The following GMDS variants were observed in gnomAD, a reference collection of about 807,000 sequenced individuals.
GMDS encodes the protein GDP-mannose 4,6-dehydratase.
Under a neutral mutation model 49.9 loss-of-function variants are expected in GMDS, and 20 were observed. That is an observed-to-expected ratio of 0.40 (90% confidence interval 0.28 to 0.58). The LOEUF (loss-of-function observed/expected upper bound fraction) is 0.58, where lower values mean the gene tolerates loss of function less well. Among genes scored for constraint, GMDS ranks in the 20% least tolerant of loss-of-function variants. The pLI, the probability that GMDS is intolerant of heterozygous loss-of-function variation, is 0.42. For missense variants in GMDS, 362 were observed against 481.4 expected, an observed-to-expected ratio of 0.75 and a Z score of 2.32; for synonymous variants, 177 against 178.6, an observed-to-expected ratio of 0.99 and a Z score of 0.07.
intron 1 of GMDS, among the ~76,000 whole-genome samples, chr6:2,223,311 A>G (rs1780677605): frequency 6.6e-6 from 1 of 152,126 alleles, no homozygotes; most frequent in African/African-American, 2.4e-5. Context: ...CATGTGGTGC[A>G]AAGGCAGGAA....
chr6:1,704,873 G>A (rs910454667), intron 9 of GMDS, among the ~76,000 whole-genome samples: 1 of 151,992 alleles, frequency 6.6e-6, no homozygotes, highest in African/African-American at 2.4e-5. Context: ...CGGGGGTGAG[G>A]GGTGTGAGGG....
chr6:1,847,934 T>C (rs1479477814), intron 7 of GMDS, among the ~76,000 whole-genome samples: 1 of 151,990 alleles, frequency 6.6e-6, no homozygotes, highest in Non-Finnish European at 1.5e-5. Context: ...TGAGACGAGA[T>C]ATATGAAAGA....
intron 1 of GMDS, among the ~76,000 whole-genome samples, chr6:2,231,346 C>G (rs982229899): frequency 6.6e-6 from 1 of 152,014 alleles, no homozygotes; most frequent in African/African-American, 2.4e-5. Flanking sequence ...ATGGCTTGAG[C>G]TCACAAGTTT....
intron 4 of GMDS, among the ~76,000 whole-genome samples, chr6:2,078,836 G>C (rs561728393): frequency 6.6e-6 from 1 of 151,876 alleles, no homozygotes; most frequent in Non-Finnish European, 1.5e-5. Context: ...CTGTCTAAAT[G>C]ATTTGTCTCA....
intron 9 of GMDS, among the ~76,000 whole-genome samples, chr6:1,651,276 C>G (rs1456025726): frequency 6.6e-6 from 1 of 152,212 alleles, no homozygotes; most frequent in Admixed American, 6.5e-5. Context: ...AATTCAATGA[C>G]AAGTTCAAAG....
intron 9 of GMDS, among the ~76,000 whole-genome samples, chr6:1,706,948 T>A (rs543258522): frequency 9.2e-5 from 14 of 152,216 alleles, no homozygotes; most frequent in Admixed American, 1.3e-4. Context: ...AAAGGCCTAC[T>A]CTCATGGCAG....
At chr6:1,757,388 G>T (rs181013241) in intron 7 of GMDS, among the ~76,000 whole-genome samples, 2 of 152,136 alleles carry the variant, frequency 1.3e-5, no homozygotes, top group African/African-American at 4.8e-5. Context: ...TCTGTCGCTC[G>T]GATACCTGGG....
At chr6:2,244,472 TG>T (rs1335802502) in intron 1 of GMDS, among the ~76,000 whole-genome samples, 2 of 152,042 alleles carry the variant, frequency 1.3e-5, no homozygotes, top group Admixed American at 1.3e-4. Flanking sequence ...TACAGCAATA[TG>T]TGGGCACGAT....
intron 9 of GMDS, among the ~76,000 whole-genome samples, chr6:1,629,181 G>C (rs1018671165): frequency 6.6e-6 from 1 of 152,164 alleles, no homozygotes; most frequent in Non-Finnish European, 1.5e-5. Flanking sequence ...ATCTCTTCTT[G>C]GGTGTAGCTT....
chr6:1,892,343 C>T (rs895492984), intron 7 of GMDS, among the ~76,000 whole-genome samples: 18 of 152,190 alleles, frequency 1.2e-4, no homozygotes, highest in Middle Eastern at 3.4e-3. Context: ...AAACCCACTA[C>T]CATAAATCCA....
chr6:1,684,057 T>G (rs62388273), intron 9 of GMDS, among the ~76,000 whole-genome samples: 293 of 64,358 alleles, frequency 4.6e-3, no homozygotes, highest in Middle Eastern at 0.025. Context: ...TGAGGGTGGG[T>G]TTTGCCATCA....
At position 2,012,628 on chromosome 6, in the gene GMDS, T is replaced by C. The variant is rs147407514; in HGVS notation, c.346-51662A>G. Among the ~76,000 whole-genome samples, 850 of 152,302 alleles carry C rather than the reference T, an allele frequency of 5.6e-3. 6 individuals are homozygous for C. The highest frequency in any genetic ancestry group is 0.019 in the African/African-American group (796 of 41,562). On this transcript the variant is annotated intron_variant, in intron 4 of 10. Transcript: ENST00000380815. ...AAACAACCACATTAAAATTATTCTT[T>C]TTTATTTTTTTTCTGGAGAGACAGG... is the stretch of plus-strand genomic sequence containing the variant.
chr6:1,916,816 T>C (rs1460952275), intron 7 of GMDS, among the ~76,000 whole-genome samples: 1 of 152,040 alleles, frequency 6.6e-6, no homozygotes, highest in Non-Finnish European at 1.5e-5. Context: ...CAATGAGGCT[T>C]CTACTGCCAC....
chr6:1,887,396 A>G (rs956777869), intron 7 of GMDS, among the ~76,000 whole-genome samples: 2 of 152,156 alleles, frequency 1.3e-5, no homozygotes, highest in African/African-American at 4.8e-5. Flanking sequence ...GTTTCTAGGT[A>G]TATTTTTGAT....
intron 7 of GMDS, among the ~76,000 whole-genome samples, chr6:1,847,968 G>C (rs1757488124): frequency 6.6e-6 from 1 of 152,166 alleles, no homozygotes; most frequent in South Asian, 2.1e-4. Context: ...CCCTGGGAGT[G>C]TACGGCCAAG....
intron 9 of GMDS, among the ~76,000 whole-genome samples, chr6:1,634,919 G>A (rs1299521764): frequency 6.6e-6 from 1 of 152,104 alleles, no homozygotes; most frequent in Non-Finnish European, 1.5e-5. Flanking sequence ...CGGTGGTGGG[G>A]GAAAGAGGAC....
intron 9 of GMDS, chr6:1,625,645 T>C (rs1425906211): frequency 1.3e-5 from 2 of 151,632 alleles, no homozygotes; most frequent in Non-Finnish European, 2.9e-5. Context: ...CTGACTGACA[T>C]GAAGGTTGAG....
At chr6:2,216,066 C>T (rs1275724741) in intron 1 of GMDS, among the ~76,000 whole-genome samples, 1 of 152,120 alleles carries the variant, frequency 6.6e-6, no homozygotes, top group African/African-American at 2.4e-5. Context: ...TGGGGGCTCA[C>T]TATACTATGA....
At chr6:2,036,501 A>C (rs1268685723) in intron 4 of GMDS, among the ~76,000 whole-genome samples, 1 of 152,210 alleles carries the variant, frequency 6.6e-6, no homozygotes, top group Non-Finnish European at 1.5e-5. Flanking sequence ...CCCAGGGATC[A>C]CTTAGTACAT....
Sources: allele counts gnomAD v4.1 joint callset (sites outside exome capture counted in the v4.1 genomes callset), GRCh38; gene constraint gnomAD v4.1.1; transcripts MANE v1.5; gene names NCBI Gene and HGNC (gene_info 2026-07-23, HGNC 2026-07-21).